Variants in OOSP3 observed in about 807,000 individuals in gnomAD.
OOSP3 encodes the protein oocyte secreted protein family member 3.
intron 2 of OOSP3, among the ~76,000 whole-genome samples, chr11:59,884,475 G>GTCTCTCTCTCTCTCTC (rs60145654): frequency 5.3e-5 from 6 of 113,876 alleles, no homozygotes; most frequent in Admixed American, 9.5e-5. Flanking sequence ...CTGTCTGTCT[G>GTCTCTCTCTCTCTCTC]TCTCTCTCTC....
At chr11:59,882,070 A>T (rs2134524976) in intron 2 of OOSP3, among the ~76,000 whole-genome samples, 1 of 152,202 alleles carries the variant, frequency 6.6e-6, no homozygotes, top group Admixed American at 6.5e-5. Context: ...TTTTTCCCAT[A>T]TTTCAAAGTA....
chr11:59,894,725 C>T (rs180842135), intron 3 of OOSP3, among the ~76,000 whole-genome samples: 123 of 152,236 alleles, frequency 8.1e-4, no homozygotes, highest in Middle Eastern at 3.4e-3. Context: ...TTGGGAAATC[C>T]AAGTAAGATG....
chr11:59,880,641 C>T (rs918220923), intron 2 of OOSP3, among the ~76,000 whole-genome samples: 3 of 152,126 alleles, frequency 2.0e-5, no homozygotes, highest in Non-Finnish European at 4.4e-5. Flanking sequence ...GAGAATACTT[C>T]AACATATATA....
chr11:59,888,479 C>T (rs1436423674), intron 2 of OOSP3, among the ~76,000 whole-genome samples: 1 of 151,996 alleles, frequency 6.6e-6, no homozygotes, highest in Non-Finnish European at 1.5e-5. Context: ...TTCTTTCAAA[C>T]CTAGTTTATT....
At chr11:59,883,622 A>G (rs771906552) in intron 2 of OOSP3, among the ~76,000 whole-genome samples, 6 of 152,202 alleles carry the variant, frequency 3.9e-5, no homozygotes, top group Non-Finnish European at 5.9e-5. Context: ...CACTTTTCAA[A>G]TTATTTTTCT....
At chr11:59,883,562 G>A (rs960684662) in intron 2 of OOSP3, among the ~76,000 whole-genome samples, 2 of 152,134 alleles carry the variant, frequency 1.3e-5, no homozygotes, top group African/African-American at 2.4e-5. Flanking sequence ...ATGTGAACAG[G>A]CACCATAATG....
chr11:59,878,827 T>C (rs1853176367), exon 1 of OOSP3: 1 of 398,522 alleles, frequency 2.5e-6, no homozygotes, highest in Non-Finnish European at 4.4e-6. Flanking sequence ...TTTTGTGAGG[T>C]TACAGTCCTC....
chr11:59,893,819 C>T (rs1440438727), intron 2 of OOSP3, among the ~76,000 whole-genome samples: 2 of 152,192 alleles, frequency 1.3e-5, no homozygotes, highest in Non-Finnish European at 2.9e-5. Flanking sequence ...AGCCCTTGTT[C>T]CTAGTCTGGC....
intron 2 of OOSP3, among the ~76,000 whole-genome samples, chr11:59,884,905 C>T (rs141500260): frequency 1.3e-5 from 2 of 152,234 alleles, no homozygotes; most frequent in East Asian, 1.9e-4. Context: ...ACCTCCAGTA[C>T]AATATTGGAT....
intron 3 of OOSP3, among the ~76,000 whole-genome samples, 168 bp from the exon 4 acceptor site, chr11:59,895,334 C>A (rs183137683): frequency 7.6e-4 from 101 of 133,364 alleles, no homozygotes; most frequent in African/African-American, 2.4e-3. Flanking sequence ...GTTTGTTAAT[C>A]CTTAAAAAAA....
intron 2 of OOSP3, among the ~76,000 whole-genome samples, chr11:59,887,536 C>T (rs1853274059): frequency 6.6e-6 from 1 of 152,158 alleles, no homozygotes; most frequent in Non-Finnish European, 1.5e-5. Context: ...TCTCCCAGCA[C>T]CATTTATTAA....
At chr11:59,881,442 G>A (rs1272661052) in intron 2 of OOSP3, among the ~76,000 whole-genome samples, 2 of 151,676 alleles carry the variant, frequency 1.3e-5, no homozygotes, top group Non-Finnish European at 2.9e-5. Context: ...TGTATCTTTT[G>A]TTTTTCTCTG....
At chr11:59,896,438 T>C (rs1853358477) in exon 5 of OOSP3, 4 of 329,148 alleles carry the variant, frequency 1.2e-5, no homozygotes, top group Non-Finnish European at 1.1e-5. Context: ...GTATAATTTG[T>C]ATGTGGAGTT....
chr11:59,889,904 G>T (rs748430643), intron 2 of OOSP3, among the ~76,000 whole-genome samples: 2 of 152,146 alleles, frequency 1.3e-5, no homozygotes, highest in Admixed American at 6.5e-5. Flanking sequence ...CCACTATTGT[G>T]TGGGGGTCTA....
intron 2 of OOSP3, among the ~76,000 whole-genome samples, chr11:59,891,907 T>TG (rs34159008): frequency 5.9e-5 from 9 of 152,246 alleles, no homozygotes; most frequent in Middle Eastern, 3.4e-3. Flanking sequence ...TGCTGGCCAG[T>TG]GGGGAATCCA....
chr11:59,886,677 T>A (rs1220720367), intron 2 of OOSP3, among the ~76,000 whole-genome samples: 1 of 152,202 alleles, frequency 6.6e-6, no homozygotes, highest in Admixed American at 6.5e-5. Flanking sequence ...TGAGAACGTA[T>A]CTCATTGTGG....
intron 2 of OOSP3, among the ~76,000 whole-genome samples, chr11:59,893,157 G>A (rs1033400600): frequency 6.6e-5 from 10 of 152,160 alleles, no homozygotes; most frequent in African/African-American, 2.2e-4. Context: ...GAAAATAATC[G>A]TGTTATTGAA....
chr11:59,887,793 T>C, intron 2 of OOSP3, among the ~76,000 whole-genome samples: 1 of 152,318 alleles, frequency 6.6e-6, no homozygotes, highest in South Asian at 2.1e-4. Context: ...CTTTTTCGGT[T>C]CCATATGATT....
chr11:59,893,705 C>T (rs1446879187), intron 2 of OOSP3, among the ~76,000 whole-genome samples: 1 of 152,098 alleles, frequency 6.6e-6, no homozygotes, highest in Non-Finnish European at 1.5e-5. Flanking sequence ...TCAGAAAAGG[C>T]AAATCTCCAA....
Sources: gnomAD v4.1 joint callset for allele counts (sites outside exome capture counted in the v4.1 genomes callset) on GRCh38, gnomAD v4.1.1 for gene constraint, MANE v1.5 for transcripts, NCBI Gene and HGNC (gene_info 2026-07-23, HGNC 2026-07-21) for gene names.